The following PCDH15 variants were observed in gnomAD, a reference collection of about 807,000 sequenced individuals.
The protein encoded by PCDH15 is protocadherin-15.
In PCDH15, 129 loss-of-function variants were observed where a neutral mutation model predicts 178.5. The ratio of observed to expected loss-of-function variants is 0.72; its 90% CI spans 0.63 to 0.84. The LOEUF is 0.84. PCDH15 is among the 40% of genes least tolerant of loss of function. The pLI is 0.00. For synonymous variants in PCDH15, 800 were observed against 732.0 expected (o/e 1.09, Z -1.50); for missense variants, 2,230 against 2,099.9 (o/e 1.06, Z -1.21).
chr10:54,815,240 T>A (rs566194070), intron 3 of PCDH15, among the ~76,000 whole-genome samples: 1 of 152,066 alleles, frequency 6.6e-6, no homozygotes, highest in South Asian at 2.1e-4. Context: ...CATGAATACA[T>A]AAAATATATG....
intron 2 of PCDH15, among the ~76,000 whole-genome samples, chr10:54,966,741 G>A (rs957125957): frequency 6.6e-6 from 1 of 151,968 alleles, no homozygotes; most frequent in Non-Finnish European, 1.5e-5. Flanking sequence ...CTTTCACTTG[G>A]CTTTCATTCT....
At chr10:54,720,128 T>C (rs949586629) in intron 1 of PCDH15, among the ~76,000 whole-genome samples, 1 of 152,048 alleles carries the variant, frequency 6.6e-6, no homozygotes, top group African/African-American at 2.4e-5. Context: ...TTGTGGAAGA[T>C]AGTATGGTGA....
intron 21 of PCDH15, among the ~76,000 whole-genome samples, chr10:53,971,203 T>C (rs1424441792): frequency 6.6e-6 from 1 of 152,112 alleles, no homozygotes. Flanking sequence ...ATTATCTCAA[T>C]AGATGCAGAA....
chr10:54,219,361 C>T (rs958104554), intron 9 of PCDH15, among the ~76,000 whole-genome samples: 4 of 149,658 alleles, frequency 2.7e-5, no homozygotes, highest in Admixed American at 6.7e-5. Context: ...GAGGCCGAGA[C>T]GGGCAGATCA....
chr10:54,903,294 A>G (rs184109274), intron 2 of PCDH15, among the ~76,000 whole-genome samples: 1 of 152,126 alleles, frequency 6.6e-6, no homozygotes, highest in South Asian at 2.1e-4. Context: ...AAATTTTATT[A>G]TATTCTATGT....
chr10:55,261,919 G>A lies in PCDH15; in HGVS notation c.-156+57680C>T, dbSNP rs529188815. ...CGAAGGAAAACTTGGTCCTCAGAAA[G>A]CCAAAAACAAACATAACAAATATGG... is the stretch of plus-strand genomic sequence containing the variant. On this transcript the variant is annotated intron_variant, in intron 1 of 5. Coordinates refer to the PCDH15 transcript ENST00000458638. Among the ~76,000 whole-genome samples, 13 of 151,400 alleles carry A rather than the reference G, an allele frequency of 8.6e-5. No homozygotes were observed. The East Asian group carries it at 2.5e-3, about 30-fold the overall frequency.
intron 2 of PCDH15, chr10:55,469,118 G>C (rs1839904279): frequency 6.6e-6 from 1 of 152,224 alleles, no homozygotes; most frequent in South Asian, 2.1e-4. Flanking sequence ...AAAAATATTA[G>C]GTGGAGCTAC....
At chr10:54,202,879 G>A (rs1483953806) in intron 10 of PCDH15, among the ~76,000 whole-genome samples, 1 of 151,428 alleles carries the variant, frequency 6.6e-6, no homozygotes, top group Non-Finnish European at 1.5e-5. Context: ...ATATGTTGAT[G>A]TTAGAGGCAA....
At chr10:55,520,333 TATATATATATATATATAC>T (rs1565218269) in intron 2 of PCDH15, among the ~76,000 whole-genome samples, 1 of 37,190 alleles carries the variant, frequency 2.7e-5, no homozygotes, top group Non-Finnish European at 4.3e-5. Context: ...TGTGTATATA[TATATATATATATATATAC>T]ACATTGTCAC....
At chr10:55,016,056 G>T in intron 2 of PCDH15, among the ~76,000 whole-genome samples, 1 of 138,512 alleles carries the variant, frequency 7.2e-6, no homozygotes, top group African/African-American at 2.7e-5. Flanking sequence ...GGCTTGAGTT[G>T]TAATTGACCA....
At chr10:54,164,778 A>T (rs2046047099) in intron 13 of PCDH15, among the ~76,000 whole-genome samples, 1 of 152,192 alleles carries the variant, frequency 6.6e-6, no homozygotes, top group African/African-American at 2.4e-5. Context: ...TGGGTAACAC[A>T]TAATGAGTGC....
intron 2 of PCDH15, chr10:54,605,656 G>T (rs960485479): frequency 1.3e-5 from 2 of 152,132 alleles, no homozygotes; most frequent in African/African-American, 2.4e-5. Context: ...AAATGTTGGG[G>T]CACTAACTGG....
At chr10:55,092,741 CTT>C (rs890907870) in intron 2 of PCDH15, among the ~76,000 whole-genome samples, 45 of 151,916 alleles carry the variant, frequency 3.0e-4, no homozygotes, top group Admixed American at 2.7e-3. Flanking sequence ...TTTCTATTCT[CTT>C]TGTCTCATAT....
chr10:54,704,800 T>A (rs2095349339), intron 1 of PCDH15, among the ~76,000 whole-genome samples: 1 of 152,112 alleles, frequency 6.6e-6, no homozygotes, highest in Admixed American at 6.6e-5. Flanking sequence ...GAACTACCAT[T>A]TGGTTCAACA....
At chr10:54,090,924 T>C (rs2094590689) in intron 15 of PCDH15, among the ~76,000 whole-genome samples, 1 of 152,156 alleles carries the variant, frequency 6.6e-6, no homozygotes, top group South Asian at 2.1e-4. Context: ...ATAATATATA[T>C]CAAGGCACAT....
At chr10:54,773,057 A>G (rs1371869702) in intron 1 of PCDH15, among the ~76,000 whole-genome samples, 4 of 151,880 alleles carry the variant, frequency 2.6e-5, no homozygotes, top group Non-Finnish European at 5.9e-5. Context: ...TTATGAGAAC[A>G]CACGGACACA....
At chr10:55,450,613 T>C (rs1270952027) in intron 2 of PCDH15, among the ~76,000 whole-genome samples, 2 of 152,138 alleles carry the variant, frequency 1.3e-5, no homozygotes, top group Non-Finnish European at 2.9e-5. Flanking sequence ...TTCAAATTCA[T>C]TGCAATTTTC....
rs750591897 is a variant in PCDH15 at position 53,827,450 on chromosome 10, G to A, written c.4310C>T (p.Pro1437Leu). The change falls in exon 32 of 38, where the codon CCG (proline) becomes CTG (leucine). Residue 1437 changes from proline to leucine, a missense_variant. Coordinates refer to ENST00000644397, the MANE Select transcript of PCDH15 (RefSeq NM_001384140.1). ...PAPAPVAAPPPPPPPPPGAHL... is the reference protein window; with the variant it reads ...PAPAPVAAPPLPPPPPPGAHL... ...CGCACCTGGCGGAGGCGGCGGCGGC[G>A]GCGGGGGCGCTGCCACTGGTGCAGG... The A allele has an allele frequency of 5.6e-6, 9 of 1,613,290 alleles. No homozygotes were observed. The highest frequency in any genetic ancestry group is 1.6e-4 in the Middle Eastern group (1 of 6,080).
chr10:55,109,412 G>T (rs1407831852), intron 2 of PCDH15, among the ~76,000 whole-genome samples: 1 of 152,058 alleles, frequency 6.6e-6, no homozygotes, highest in Non-Finnish European at 1.5e-5. Flanking sequence ...AAATTAACAT[G>T]AAGCATCATA....
Sources: gnomAD v4.1 joint callset for allele counts (sites outside exome capture counted in the v4.1 genomes callset) on GRCh38, gnomAD v4.1.1 for gene constraint, MANE v1.5 for transcripts, NCBI Gene and HGNC (gene_info 2026-07-23, HGNC 2026-07-21) for gene names.